Variants in NFATC2 observed in about 807,000 individuals in gnomAD.
NFATC2 encodes the protein nuclear factor of activated T-cells, cytoplasmic 2.
Under a neutral mutation model 87.3 loss-of-function variants are expected in NFATC2, and 22 were observed. The ratio of observed to expected loss-of-function variants is 0.25; its 90% CI spans 0.18 to 0.36. NFATC2 has a LOEUF of 0.36. Ranked by LOEUF, NFATC2 falls within the 10% of genes least tolerant of loss-of-function variation. NFATC2 has a pLI of 1.00. For missense variants in NFATC2, 1,149 were observed against 1,259.1 expected (o/e 0.91, Z 1.32); for synonymous variants, 565 against 542.2 (o/e 1.04, Z -0.58).
intron 3 of NFATC2, among the ~76,000 whole-genome samples, chr20:51,496,784 A>G (rs1406855005): frequency 6.6e-6 from 1 of 152,118 alleles, no homozygotes; most frequent in African/African-American, 2.4e-5. Flanking sequence ...TCTTTGTTCA[A>G]CCAATCCCCT....
chr20:51,459,930 AGAG>A (rs764470871), intron 5 of NFATC2, among the ~76,000 whole-genome samples: 19 of 152,222 alleles, frequency 1.2e-4, no homozygotes, highest in Non-Finnish European at 2.6e-4. Flanking sequence ...CTGCAACTAC[AGAG>A]TAGTGGTAGT....
chr20:51,389,118 T>C lies in NFATC2; in HGVS notation c.*2378A>G, dbSNP rs539799675. The C allele has an allele frequency of 6.6e-6, 1 of 152,328 alleles. No homozygotes were observed. Among genetic ancestry groups the C allele is most frequent in the African/African-American group, 2.4e-5 (1 of 41,574 alleles). 9.4% of individuals were successfully genotyped at this position (152,328 alleles called of 1,614,324 possible). ...TGCTTCCTATAATATCCAGCTAAGA[T>C]GTCTTAGAAAAACAGAGGGGTTTAT... On this transcript the variant is annotated 3_prime_UTR_variant, in exon 11 of 11. Coordinates refer to ENST00000371564, the MANE Select transcript of NFATC2 (RefSeq NM_012340.5).
intron 1 of NFATC2, among the ~76,000 whole-genome samples, chr20:51,556,335 A>G (rs1198796086): frequency 1.3e-5 from 2 of 152,048 alleles, no homozygotes; most frequent in Non-Finnish European, 2.9e-5. Context: ...TACTACACCC[A>G]CCCACTCACC....
intron 3 of NFATC2, among the ~76,000 whole-genome samples, chr20:51,503,314 C>T (rs1012766423): frequency 1.3e-5 from 2 of 152,226 alleles, no homozygotes; most frequent in African/African-American, 2.4e-5. Context: ...GTTTTACACA[C>T]GTTCTCATTG....
intron 5 of NFATC2, among the ~76,000 whole-genome samples, chr20:51,473,226 C>T (rs1323243498): frequency 2.0e-5 from 3 of 152,034 alleles, no homozygotes; most frequent in African/African-American, 7.2e-5. Flanking sequence ...CTCTCCAGAC[C>T]GTAAGCTCAT....
rs572161437 is a variant in NFATC2 at position 51,532,497 on chromosome 20, T to C, written c.131-8387A>G. 4.6e-5 allele frequency among the ~76,000 whole-genome samples: 7 copies of C among 152,304 alleles called. No homozygotes were observed. The East Asian group carries it at 1.4e-3, about 29-fold the overall frequency. On this transcript the variant is annotated intron_variant, in intron 1 of 10. Transcript: ENST00000371564. ...CCTGACAACTGAAGACACAGATTCCTTTCTTCGGGAATGTTCACAGTCTCT... is the reference window on the plus strand; with the variant it reads ...CCTGACAACTGAAGACACAGATTCCCTTCTTCGGGAATGTTCACAGTCTCT...
intron 9 of NFATC2, among the ~76,000 whole-genome samples, chr20:51,423,223 A>C (rs545064811): frequency 6.8e-6 from 1 of 147,472 alleles, no homozygotes; most frequent in South Asian, 2.2e-4. Flanking sequence ...CTGGGAGGTT[A>C]AGGCTGCAGT....
intron 3 of NFATC2, among the ~76,000 whole-genome samples, chr20:51,494,569 C>T (rs1310026629): frequency 6.6e-6 from 1 of 152,094 alleles, no homozygotes; most frequent in African/African-American, 2.4e-5. Flanking sequence ...CAGAGCTGAA[C>T]ACGGCTCCAT....
intron 3 of NFATC2, among the ~76,000 whole-genome samples, chr20:51,494,991 A>G (rs1440673751): frequency 6.6e-6 from 1 of 152,132 alleles, no homozygotes; most frequent in Non-Finnish European, 1.5e-5. Context: ...CCCAATCCCA[A>G]CATGGGCATT....
At chr20:51,449,341 G>A (rs1985482783) in intron 6 of NFATC2, among the ~76,000 whole-genome samples, 1 of 152,104 alleles carries the variant, frequency 6.6e-6, no homozygotes, top group Non-Finnish European at 1.5e-5. Flanking sequence ...CAAATGCAAG[G>A]CGAGCCCCCT....
At chr20:51,533,648 G>A (rs1050334161) in intron 1 of NFATC2, among the ~76,000 whole-genome samples, 3 of 152,242 alleles carry the variant, frequency 2.0e-5, no homozygotes, top group Admixed American at 1.3e-4. Context: ...ACAGCTGTCT[G>A]CCTTCCCCAG....
At chr20:51,401,002 T>G (rs1987974546) in intron 9 of NFATC2, among the ~76,000 whole-genome samples, 1 of 152,108 alleles carries the variant, frequency 6.6e-6, no homozygotes. Flanking sequence ...ACTTCAACAG[T>G]GCCTCTGCCT....
intron 6 of NFATC2, among the ~76,000 whole-genome samples, chr20:51,447,088 A>G (rs1013580427): frequency 5.1e-5 from 3 of 58,732 alleles, no homozygotes; most frequent in Non-Finnish European, 8.6e-5. Flanking sequence ...TTAATTTAGA[A>G]AAAAAAAAAT....
intron 8 of NFATC2, among the ~76,000 whole-genome samples, chr20:51,434,825 C>A (rs1983316702): frequency 6.6e-6 from 1 of 152,144 alleles, no homozygotes; most frequent in Admixed American, 6.5e-5. Flanking sequence ...GGTTTTAGGG[C>A]ACAGCCCCTC....
Position 51,488,054 on chromosome 20 carries a change from C to T in NFATC2, c.1333-12394G>A, listed in dbSNP as rs182235330. ...ACAAGGGGCCCGTTCTTATGTGGAG[C>T]GTATGGGGCCTGGCTTCCATAAACA... On this transcript the variant is annotated intron_variant, in intron 3 of 10. Transcript: ENST00000371564. 3.8e-4 allele frequency among the ~76,000 whole-genome samples: 58 copies of T among 152,148 alleles called. 1 individual carries two copies. The East Asian group carries it at 4.8e-3, about 13-fold the overall frequency.
chr20:51,450,722 T>G (rs1985661312), intron 6 of NFATC2, among the ~76,000 whole-genome samples: 1 of 152,154 alleles, frequency 6.6e-6, no homozygotes, highest in African/African-American at 2.4e-5. Flanking sequence ...GGTGCCAGCT[T>G]AGATGAGACC....
intron 3 of NFATC2, among the ~76,000 whole-genome samples, chr20:51,516,501 G>A (rs758563113): frequency 1.3e-5 from 2 of 152,154 alleles, no homozygotes; most frequent in Non-Finnish European, 2.9e-5. Context: ...ACAAACCTCT[G>A]CAAAACTCTA....
At chr20:51,426,793 G>C (rs923134483) in intron 9 of NFATC2, among the ~76,000 whole-genome samples, 1 of 152,156 alleles carries the variant, frequency 6.6e-6, no homozygotes, top group Admixed American at 6.5e-5. Context: ...ACATCTGGGG[G>C]CTTCTGGGGT....
chr20:51,552,008 C>G lies in NFATC2; in HGVS notation c.70+10552G>C, dbSNP rs191761015. On this transcript the variant is annotated intron_variant, in intron 1 of 10. Transcript: ENST00000414705. The stretch of plus-strand genomic sequence containing the variant: ...CGCCACTGCACTCCAGCCTGGGCGA[C>G]AGAGCGAGGCTCCATCTCAAAAAAA... Among the ~76,000 whole-genome samples, 884 of 143,312 alleles carry G rather than the reference C, an allele frequency of 6.2e-3. 7 individuals carry two copies. The highest frequency in any genetic ancestry group is 0.022 in the African/African-American group (835 of 37,378). The allele number at this position is 143,312 out of a possible 152,430, so 94.0% of individuals were successfully genotyped here.
Sources: allele counts gnomAD v4.1 joint callset (sites outside exome capture counted in the v4.1 genomes callset), GRCh38; gene constraint gnomAD v4.1.1; transcripts MANE v1.5; gene names NCBI Gene and HGNC (gene_info 2026-07-23, HGNC 2026-07-21).